Variants in ABCA13 observed in about 807,000 individuals in gnomAD.
ABCA13 encodes ATP-binding cassette sub-family A member 13.
Under a neutral mutation model 478.7 loss-of-function variants are expected in ABCA13, and 476 were observed. That is an observed-to-expected ratio of 0.99 (90% CI 0.92 to 1.07). ABCA13 has a LOEUF of 1.07. ABCA13 is among the 50% of genes least tolerant of loss of function. The pLI, the probability that ABCA13 is intolerant of heterozygous loss-of-function variation, is 0.00. For synonymous variants in ABCA13, 2,252 were observed against 2,158.9 expected (o/e 1.04, Z -1.20); for missense variants, 6,060 against 5,910.6 (o/e 1.03, Z -0.83).
intron 26 of ABCA13, among the ~76,000 whole-genome samples, chr7:48,315,670 G>A (rs1218068704): frequency 6.6e-6 from 1 of 151,992 alleles, no homozygotes; most frequent in Admixed American, 6.6e-5. Flanking sequence ...AGTAGAGACG[G>A]GGTTTCACCG....
At chr7:48,391,635 A>G (rs1296810744) in intron 37 of ABCA13, among the ~76,000 whole-genome samples, 2 of 152,184 alleles carry the variant, frequency 1.3e-5, no homozygotes, top group Non-Finnish European at 2.9e-5. Flanking sequence ...TTTGACTTAC[A>G]ATATTTTCAA....
At chr7:48,406,875 AAAATAAAT>A (rs545188834) in intron 39 of ABCA13, among the ~76,000 whole-genome samples, 1 of 151,768 alleles carries the variant, frequency 6.6e-6, no homozygotes, top group Non-Finnish European at 1.5e-5. Flanking sequence ...TCCATCTCAA[AAAATAAAT>A]AAATAAATAA....
chr7:48,584,206 A>G (rs1295213402), intron 56 of ABCA13, among the ~76,000 whole-genome samples: 2 of 152,202 alleles, frequency 1.3e-5, no homozygotes, highest in Admixed American at 1.3e-4. Context: ...TTTCTAATAC[A>G]TGCACACATA....
intron 15 of ABCA13, among the ~76,000 whole-genome samples, chr7:48,258,567 T>TTG (rs977658290): frequency 1.3e-5 from 2 of 152,162 alleles, no homozygotes; most frequent in East Asian, 1.9e-4. Context: ...GTATGTTTTT[T>TTG]TGTGTGTGTG....
rs1006285768 is a variant in ABCA13 at position 48,403,673 on chromosome 7, C to T, written c.11874-10C>T. The T allele has an allele frequency of 4.3e-6, 7 of 1,612,598 alleles. No homozygotes were observed. The highest frequency in any genetic ancestry group is 5.9e-6 in the Non-Finnish European group (7 of 1,178,988). ...TCAGGGAGAAGAGTGATGTTTTCTT[C>T]TAATTTCAGAACTCTTCAGGATGTG... On this transcript the variant is annotated splice_polypyrimidine_tract_variant and intron_variant, in intron 38 of 61. Coordinates refer to ENST00000435803, the MANE Select transcript of ABCA13 (RefSeq NM_152701.5).
chr7:48,410,681 A>G lies in ABCA13; in HGVS notation c.12228+4A>G. On this transcript the variant is annotated splice_donor_region_variant and intron_variant, in intron 40 of 61. Coordinates refer to ENST00000435803, the MANE Select transcript of ABCA13 (RefSeq NM_152701.5). ...CCGCCTGACACTCACGAGGCAGGTAAGGAGTGCAACCATTCTATCTCACTG... is the reference window on the plus strand; with the variant it reads ...CCGCCTGACACTCACGAGGCAGGTAGGGAGTGCAACCATTCTATCTCACTG... 1 of 1,610,884 alleles carries G rather than the reference A, an allele frequency of 6.2e-7. No homozygotes were observed. The highest frequency in any genetic ancestry group is 8.5e-7 in the Non-Finnish European group (1 of 1,177,880).
intron 59 of ABCA13, among the ~76,000 whole-genome samples, chr7:48,624,357 T>C (rs1191756047): frequency 6.6e-6 from 1 of 152,084 alleles, no homozygotes; most frequent in East Asian, 1.9e-4. Flanking sequence ...TATTTGCTTT[T>C]CTCCTCCCTT....
At chr7:48,521,209 C>A (rs1486603489) in intron 53 of ABCA13, among the ~76,000 whole-genome samples, 1 of 152,160 alleles carries the variant, frequency 6.6e-6, no homozygotes, top group Non-Finnish European at 1.5e-5. Context: ...GGCTTCCCCC[C>A]CATACCCAAG....
At chr7:48,183,017 A>G (rs1186951085) in intron 1 of ABCA13, among the ~76,000 whole-genome samples, 1 of 152,204 alleles carries the variant, frequency 6.6e-6, no homozygotes, top group Non-Finnish European at 1.5e-5. Flanking sequence ...AAAGAGACAC[A>G]ATAGAATTTC....
chr7:48,378,071 C>T (rs530750955), intron 35 of ABCA13, among the ~76,000 whole-genome samples: 1 of 152,272 alleles, frequency 6.6e-6, no homozygotes, highest in East Asian at 1.9e-4. Flanking sequence ...CTGAGACTTT[C>T]CCTCTGAATC....
At chr7:48,341,767 G>A (rs934343987) in intron 29 of ABCA13, among the ~76,000 whole-genome samples, 3 of 145,566 alleles carry the variant, frequency 2.1e-5, no homozygotes, top group African/African-American at 7.6e-5. Context: ...TTCTTGAGAT[G>A]AATACTTAAA....
At chr7:48,239,194 C>G in intron 8 of ABCA13, 47 bp from the exon 9 acceptor site, 1 of 1,597,026 alleles carries the variant, frequency 6.3e-7, no homozygotes, top group Non-Finnish European at 8.6e-7. Context: ...GAGGAAGGTT[C>G]TAGGAAAGGA....
chr7:48,366,509 G>T (rs932434733), intron 31 of ABCA13, among the ~76,000 whole-genome samples: 3 of 152,092 alleles, frequency 2.0e-5, no homozygotes, highest in African/African-American at 4.8e-5. Context: ...GTGAAGAAGA[G>T]AAATTTATTT....
At chr7:48,223,672 G>A (rs911705919) in intron 5 of ABCA13, among the ~76,000 whole-genome samples, 3 of 151,944 alleles carry the variant, frequency 2.0e-5, no homozygotes, top group African/African-American at 7.3e-5. Context: ...GAGAGTGGGG[G>A]CACTCCGGGC....
chr7:48,205,000 A>G (rs960201740), intron 3 of ABCA13, among the ~76,000 whole-genome samples: 1 of 152,180 alleles, frequency 6.6e-6, no homozygotes, highest in Non-Finnish European at 1.5e-5. Flanking sequence ...TCTACCTGCA[A>G]TAGAGCATTT....
intron 12 of ABCA13, 99 bp downstream of exon 12, chr7:48,245,711 T>TA: frequency 6.9e-7 from 1 of 1,447,778 alleles, no homozygotes; most frequent in Non-Finnish European, 9.4e-7. Flanking sequence ...TTGTGCTAGC[T>TA]AAAAAAGGGA....
At chr7:48,339,620 C>T (rs1049472224) in intron 29 of ABCA13, among the ~76,000 whole-genome samples, 2 of 152,184 alleles carry the variant, frequency 1.3e-5, no homozygotes, top group Non-Finnish European at 1.5e-5. Context: ...ATGTAAACTT[C>T]TATTGTAAAA....
intron 15 of ABCA13, among the ~76,000 whole-genome samples, chr7:48,254,187 T>C (rs771979581): frequency 6.6e-6 from 1 of 152,136 alleles, no homozygotes; most frequent in Non-Finnish European, 1.5e-5. Flanking sequence ...ATAACTTCAA[T>C]AATTTTATTT....
intron 32 of ABCA13, among the ~76,000 whole-genome samples, chr7:48,369,728 T>A (rs532890532): frequency 6.6e-6 from 1 of 152,328 alleles, no homozygotes; most frequent in African/African-American, 2.4e-5. Flanking sequence ...TTCTGGGTTC[T>A]TTATTCTGTT....
Sources: allele counts gnomAD v4.1 joint callset (sites outside exome capture counted in the v4.1 genomes callset), GRCh38; gene constraint gnomAD v4.1.1; transcripts MANE v1.5; gene names NCBI Gene and HGNC (gene_info 2026-07-23, HGNC 2026-07-21).